FMR1NB: variants seen among roughly 807,000 people sequenced by gnomAD.
FMR1NB encodes the protein FMR1 neighbor protein.
FMR1NB carries 10 observed loss-of-function variants against 16.8 expected under a neutral mutation model. The observed-to-expected ratio is 0.60, with a 90% CI of 0.37 to 1.01. The LOEUF is 1.01. FMR1NB is among the 50% of genes least tolerant of loss of function. The pLI, the probability that FMR1NB is intolerant of heterozygous loss-of-function variation, is 0.01. For missense variants in FMR1NB, 205 were observed against 204.8 expected, an observed-to-expected ratio of 1.00 and a Z score of 0.00; for synonymous variants, 83 against 79.1, an observed-to-expected ratio of 1.05 and a Z score of -0.26.
intron 4 of FMR1NB, among the ~76,000 whole-genome samples, chrX:148,010,137 T>G (rs5951865): frequency 8.9e-6 from 1 of 112,528 alleles, no homozygotes; most frequent in Non-Finnish European, 1.9e-5. Context: ...AAAGGATTGT[T>G]CTCTGATCCT....
At chrX:148,007,599 T>C (rs1445328647) in intron 3 of FMR1NB, among the ~76,000 whole-genome samples, 3 of 112,086 alleles carry the variant, frequency 2.7e-5, no homozygotes, top group African/African-American at 9.7e-5. Flanking sequence ...TCTTGTTCTA[T>C]AGTTTTTGAA....
chrX:148,023,903 T>A (rs1557190793), intron 4 of FMR1NB, among the ~76,000 whole-genome samples: 1 of 111,256 alleles, frequency 9.0e-6, no homozygotes, highest in African/African-American at 3.3e-5. Context: ...TAGGTCTGGA[T>A]TTGAATCCTG....
chrX:147,983,630 G>A (rs1228131059), intron 1 of FMR1NB, among the ~76,000 whole-genome samples: 2 of 111,957 alleles, frequency 1.8e-5, no homozygotes, highest in East Asian at 5.6e-4. Context: ...TCTGGATACT[G>A]GATCCTTATC....
intron 3 of FMR1NB, among the ~76,000 whole-genome samples, chrX:148,007,541 C>T (rs781933540): frequency 1.9e-4 from 21 of 111,948 alleles, no homozygotes; most frequent in African/African-American, 6.8e-4. Flanking sequence ...TCTTCTGCCT[C>T]GGCCTCCCAA....
chrX:148,024,060 G>A (rs1557190803), intron 4 of FMR1NB, among the ~76,000 whole-genome samples: 1 of 111,923 alleles, frequency 8.9e-6, no homozygotes, highest in East Asian at 2.8e-4. Context: ...TGCACGTGAA[G>A]TGCTTATTAT....
chrX:147,998,003 A>G (rs1036023564), intron 1 of FMR1NB, among the ~76,000 whole-genome samples: 7 of 112,498 alleles, frequency 6.2e-5, no homozygotes, highest in African/African-American at 1.6e-4. Flanking sequence ...TACACTGTTG[A>G]TGGGAGTATA....
At chrX:147,995,144 C>T (rs150811871) in intron 1 of FMR1NB, among the ~76,000 whole-genome samples, 1,614 of 112,037 alleles carry the variant, frequency 0.014, 32 homozygotes, top group African/African-American at 0.05. Flanking sequence ...TCAGAAGGAA[C>T]CAGCCCTACT....
At chrX:147,990,358 C>T (rs782654541) in intron 1 of FMR1NB, among the ~76,000 whole-genome samples, 2 of 111,780 alleles carry the variant, frequency 1.8e-5, no homozygotes, top group African/African-American at 6.5e-5. Flanking sequence ...CAGGGTACCT[C>T]AGTTGGAAAT....
intron 3 of FMR1NB, 55 bp downstream of exon 3, chrX:148,006,897 G>A (rs180944094): frequency 2.4e-5 from 27 of 1,103,598 alleles, no homozygotes; most frequent in Admixed American, 2.4e-5. Flanking sequence ...TAAACAGATC[G>A]CAGTGGCATA....
chrX:148,010,682 A>G (rs182846551), intron 4 of FMR1NB, among the ~76,000 whole-genome samples: 14 of 111,962 alleles, frequency 1.3e-4, no homozygotes, highest in Non-Finnish European at 2.6e-4. Flanking sequence ...AAAGAAGCCA[A>G]ACACAATTGT....
intron 4 of FMR1NB, among the ~76,000 whole-genome samples, chrX:148,017,913 C>A (rs1239933037): frequency 9.6e-4 from 105 of 108,883 alleles, no homozygotes; most frequent in African/African-American, 3.1e-3. Flanking sequence ...TGTACATGTG[C>A]CACATTTTCT....
At chrX:147,992,806 A>G (rs1359566780) in intron 1 of FMR1NB, among the ~76,000 whole-genome samples, 3 of 69,261 alleles carry the variant, frequency 4.3e-5, no homozygotes, top group Non-Finnish European at 7.6e-5. Context: ...CGCTCCCCAC[A>G]TCTCAGATGA....
intron 1 of FMR1NB, among the ~76,000 whole-genome samples, chrX:147,990,502 T>G (rs1603071393): frequency 1.8e-5 from 2 of 111,974 alleles, no homozygotes; most frequent in Non-Finnish European, 3.8e-5. Flanking sequence ...TATGTATTTT[T>G]GGGGTATATG....
At chrX:147,999,799 A>G (rs2124618406) in intron 1 of FMR1NB, among the ~76,000 whole-genome samples, 1 of 111,976 alleles carries the variant, frequency 8.9e-6, no homozygotes, top group African/African-American at 3.2e-5. Context: ...CATTAGTAGA[A>G]AACAAGCAGG....
intron 1 of FMR1NB, among the ~76,000 whole-genome samples, chrX:147,995,247 C>T (rs781930750): frequency 3.6e-5 from 4 of 112,002 alleles, no homozygotes; most frequent in Non-Finnish European, 7.5e-5. Context: ...GTTACAACAG[C>T]CCTAGGAAAC....
intron 1 of FMR1NB, among the ~76,000 whole-genome samples, chrX:147,990,858 A>G (rs888916780): frequency 1.8e-5 from 2 of 109,242 alleles, no homozygotes; most frequent in African/African-American, 3.4e-5. Flanking sequence ...CAGTACCTCC[A>G]TCACATGGGA....
chrX:148,025,432 T>C (rs2044699085), intron 5 of FMR1NB, among the ~76,000 whole-genome samples: 1 of 111,377 alleles, frequency 9.0e-6, no homozygotes, highest in Admixed American at 9.5e-5. Context: ...ATCTTACCTG[T>C]TAGTCTCAGC....
chrX:148,005,404 A>G (rs1249278631), intron 2 of FMR1NB, among the ~76,000 whole-genome samples: 1 of 111,049 alleles, frequency 9.0e-6, no homozygotes, highest in African/African-American at 3.3e-5. Flanking sequence ...AGTCCTGACT[A>G]TTGTCACCAT....
chrX:147,993,730 G>A (rs1191408969), intron 1 of FMR1NB, among the ~76,000 whole-genome samples: 1 of 109,249 alleles, frequency 9.2e-6, no homozygotes, highest in African/African-American at 3.3e-5. Flanking sequence ...CCCTCCTCCA[G>A]GCCTTCACTC....
Sources: gnomAD v4.1 joint callset for allele counts (sites outside exome capture counted in the v4.1 genomes callset) on GRCh38, gnomAD v4.1.1 for gene constraint, MANE v1.5 for transcripts, NCBI Gene and HGNC (gene_info 2026-07-23, HGNC 2026-07-21) for gene names.